RCAN2: variants seen among roughly 807,000 people sequenced by gnomAD.
RCAN2 encodes the protein regulator of calcineurin 2, also known as calcipressin-2.
A neutral mutation model predicts 23.6 loss-of-function variants in RCAN2; 9 were observed. That is an observed-to-expected ratio of 0.38 (90% CI 0.23 to 0.67). RCAN2 has a LOEUF of 0.67. Among genes scored for constraint, RCAN2 ranks in the 30% least tolerant of loss-of-function variants. The pLI, the probability that RCAN2 is intolerant of heterozygous loss-of-function variation, is 0.51. For synonymous variants in RCAN2, 109 were observed against 115.7 expected (o/e 0.94, Z 0.37); for missense variants, 273 against 302.3 (o/e 0.90, Z 0.72).
At chr6:46,306,448 C>T (rs898667070) in intron 2 of RCAN2, among the ~76,000 whole-genome samples, 6 of 152,078 alleles carry the variant, frequency 3.9e-5, no homozygotes, top group Non-Finnish European at 7.4e-5. Context: ...CCAAAGTTAC[C>T]ACCCTCCTAG....
intron 2 of RCAN2, among the ~76,000 whole-genome samples, chr6:46,428,266 C>A (rs1767089073): frequency 6.6e-6 from 1 of 152,062 alleles, no homozygotes; most frequent in African/African-American, 2.4e-5. Flanking sequence ...CTCGTTCTGC[C>A]AAATATTTTT....
At chr6:46,449,171 CTA>C (rs1798342335) in intron 2 of RCAN2, among the ~76,000 whole-genome samples, 1 of 151,622 alleles carries the variant, frequency 6.6e-6, no homozygotes, top group Non-Finnish European at 1.5e-5. Flanking sequence ...AGTAGCATTT[CTA>C]TATACTAACA....
chr6:46,298,296 T>G (rs1762783642), intron 2 of RCAN2, among the ~76,000 whole-genome samples: 1 of 152,064 alleles, frequency 6.6e-6, no homozygotes, highest in Non-Finnish European at 1.5e-5. Context: ...ATATGACTGA[T>G]TTTATGTGAG....
At chr6:46,292,426 GT>G (rs1302472017) in intron 2 of RCAN2, among the ~76,000 whole-genome samples, 939 of 22,062 alleles carry the variant, frequency 0.043, 47 homozygotes, top group Admixed American at 0.23. Flanking sequence ...TTGATTTGTT[GT>G]TTTTTTTTTT....
intron 2 of RCAN2, among the ~76,000 whole-genome samples, chr6:46,410,421 A>G (rs1373722625): frequency 6.6e-6 from 1 of 152,216 alleles, no homozygotes; most frequent in Non-Finnish European, 1.5e-5. Flanking sequence ...CCTATTTTCA[A>G]TCGTACATTT....
intron 2 of RCAN2, among the ~76,000 whole-genome samples, chr6:46,397,372 AACACACACACAC>A (rs58494804): frequency 2.7e-5 from 4 of 146,138 alleles, no homozygotes; most frequent in Non-Finnish European, 4.5e-5. Flanking sequence ...ATTTCACAGA[AACACACACACAC>A]ACACACACAC....
At chr6:46,479,341 A>C (rs1484119404) in intron 1 of RCAN2, among the ~76,000 whole-genome samples, 3 of 152,210 alleles carry the variant, frequency 2.0e-5, no homozygotes, top group African/African-American at 7.2e-5. Context: ...ACAAACATAA[A>C]AATTCTTATA....
intron 2 of RCAN2, among the ~76,000 whole-genome samples, chr6:46,372,587 A>G (rs1765351643): frequency 6.6e-6 from 1 of 152,218 alleles, no homozygotes; most frequent in African/African-American, 2.4e-5. Flanking sequence ...TTTCCTAGGC[A>G]ATATCTCTAG....
At chr6:46,368,408 C>T (rs1765234160) in intron 2 of RCAN2, among the ~76,000 whole-genome samples, 1 of 152,134 alleles carries the variant, frequency 6.6e-6, no homozygotes, top group African/African-American at 2.4e-5. Context: ...AATACACACC[C>T]CTTTCCCCAC....
intron 2 of RCAN2, among the ~76,000 whole-genome samples, chr6:46,296,290 G>A (rs1762728452): frequency 6.7e-6 from 1 of 149,822 alleles, no homozygotes; most frequent in African/African-American, 2.5e-5. Context: ...CCATGTTTCT[G>A]AGTCAAAAGA....
chr6:46,404,893 A>G (rs1227656088), intron 2 of RCAN2, among the ~76,000 whole-genome samples: 1 of 152,238 alleles, frequency 6.6e-6, no homozygotes, highest in African/African-American at 2.4e-5. Flanking sequence ...CACGTACTGA[A>G]GAAAACCAAT....
At chr6:46,284,971 C>T (rs1187622188) in intron 2 of RCAN2, among the ~76,000 whole-genome samples, 1 of 152,212 alleles carries the variant, frequency 6.6e-6, no homozygotes, top group African/African-American at 2.4e-5. Flanking sequence ...TTATCTACTT[C>T]CACTGAAATC....
chr6:46,314,346 A>G (rs10807340), intron 2 of RCAN2, among the ~76,000 whole-genome samples: 98,118 of 142,370 alleles, frequency 0.69, 36,161 homozygotes, highest in Non-Finnish European at 0.83. Flanking sequence ...TGGGCAACAG[A>G]GTGAGACTCT....
At chr6:46,487,230 A>G (rs771782393) in intron 1 of RCAN2, among the ~76,000 whole-genome samples, 3 of 152,240 alleles carry the variant, frequency 2.0e-5, no homozygotes, top group Non-Finnish European at 4.4e-5. Flanking sequence ...GAAGAATTGA[A>G]AACTCTGTGT....
chr6:46,405,965 C>T (rs1446297560), intron 2 of RCAN2, among the ~76,000 whole-genome samples: 7 of 152,198 alleles, frequency 4.6e-5, no homozygotes, highest in Admixed American at 1.3e-4. Flanking sequence ...GGTGGGTTGG[C>T]ACTGCTGGGG....
intron 4 of RCAN2, among the ~76,000 whole-genome samples, chr6:46,240,582 T>C (rs1766270297): frequency 6.6e-6 from 1 of 152,192 alleles, no homozygotes; most frequent in Admixed American, 6.5e-5. Flanking sequence ...CACTGGACAC[T>C]CACTGTTTTA....
At chr6:46,446,451 G>A (rs1767709011) in intron 2 of RCAN2, among the ~76,000 whole-genome samples, 7 of 152,076 alleles carry the variant, frequency 4.6e-5, no homozygotes, top group Admixed American at 4.6e-4. Context: ...ATGCTAATGG[G>A]ATTTCTTCAA....
chr6:46,351,602 GT>G (rs1366503775), intron 2 of RCAN2, among the ~76,000 whole-genome samples: 1 of 152,146 alleles, frequency 6.6e-6, no homozygotes, highest in Non-Finnish European at 1.5e-5. Context: ...AGCTCCTCTA[GT>G]AAACAGCACA....
intron 2 of RCAN2, among the ~76,000 whole-genome samples, chr6:46,431,901 A>G (rs1767221329): frequency 6.6e-6 from 1 of 152,196 alleles, no homozygotes; most frequent in Admixed American, 6.5e-5. Flanking sequence ...ATATGTATTG[A>G]CTTTGTATTG....
Sources: gnomAD v4.1 joint callset for allele counts (sites outside exome capture counted in the v4.1 genomes callset) on GRCh38, gnomAD v4.1.1 for gene constraint, MANE v1.5 for transcripts, NCBI Gene and HGNC (gene_info 2026-07-23, HGNC 2026-07-21) for gene names.